NCEH1: variants seen among roughly 807,000 people sequenced by gnomAD.
The protein encoded by NCEH1 is neutral cholesterol ester hydrolase 1, also known as 2-acetyl MAGE hydrolase.
NCEH1 carries 9 observed loss-of-function variants against 25.4 expected under a neutral mutation model. The observed-to-expected ratio is 0.35, with a 90% confidence interval of 0.21 to 0.62. The LOEUF (loss-of-function observed/expected upper bound fraction) is 0.62. Among genes scored for constraint, NCEH1 ranks in the 20% least tolerant of loss-of-function variants. The pLI, the probability that NCEH1 is intolerant of heterozygous loss-of-function variation, is 0.72. For synonymous variants in NCEH1, 200 were observed against 199.8 expected, an observed-to-expected ratio of 1.00 and a Z score of -0.01; for missense variants, 412 against 501.1, an observed-to-expected ratio of 0.82 and a Z score of 1.70.
At chr3:172,659,700 C>T (rs1289292933) in intron 1 of NCEH1, among the ~76,000 whole-genome samples, 1 of 152,220 alleles carries the variant, frequency 6.6e-6, no homozygotes, top group East Asian at 1.9e-4. Context: ...CTTAAATTAA[C>T]ATATAGCTTC....
At chr3:172,637,888 CA>C (rs113338933) in intron 3 of NCEH1, among the ~76,000 whole-genome samples, 5 of 139,506 alleles carry the variant, frequency 3.6e-5, no homozygotes, top group African/African-American at 5.3e-5. Flanking sequence ...GACTCCATCT[CA>C]AAAAAAAAAT....
At chr3:172,696,332 C>T (rs942178762) in intron 1 of NCEH1, among the ~76,000 whole-genome samples, 4 of 151,650 alleles carry the variant, frequency 2.6e-5, no homozygotes, top group Admixed American at 2.0e-4. Context: ...AACCTGAGAG[C>T]AATAGCAGAT....
rs1716472977 is a variant in NCEH1 at position 172,633,714 on chromosome 3, C to T, written c.988G>A (p.Asp330Asn). The T allele has an allele frequency of 1.2e-6, 2 of 1,614,198 alleles. No homozygotes were observed. Among genetic ancestry groups the T allele is most frequent in the Non-Finnish European group, 1.7e-6 (2 of 1,180,032 alleles). ...LDARSAPLIADQAVLQLLPKT... is the reference protein window; with the variant it reads ...LDARSAPLIANQAVLQLLPKT... Reference sequence around the variant, plus strand: ...GGGAGGAGCTGCAGCACTGCCTGGTCTGCAATGAGTGGGGCGGAGCGGGCA... The same window carrying T: ...GGGAGGAGCTGCAGCACTGCCTGGTTTGCAATGAGTGGGGCGGAGCGGGCA... The change falls in exon 5 of 5, where the codon GAC becomes AAC. Residue 330 changes from aspartate to asparagine, a missense_variant. This residue lies in a region of NCEH1 where 210 missense variants were observed against 258.2 expected (regional missense o/e 0.81). Coordinates refer to ENST00000475381, the MANE Select transcript of NCEH1 (RefSeq NM_020792.6).
At chr3:172,689,753 C>T (rs569310609) in intron 1 of NCEH1, among the ~76,000 whole-genome samples, 295 of 151,346 alleles carry the variant, frequency 1.9e-3, no homozygotes, top group Non-Finnish European at 2.6e-3. Flanking sequence ...CTGTATTTCC[C>T]TTCTCAGGGT....
In NCEH1 at chr3:172,653,753, T is replaced by TTTTTTG. The variant is rs1553830350; in HGVS notation, c.139-5640_139-5639insCAAAAA. ...TTGTTCTGTTTTTTTTGTTTTTTTGTTTTTTTGTTTTTTTTTTTTTTTGAG... is the reference window on the plus strand; with the variant it reads ...TTGTTCTGTTTTTTTTGTTTTTTTGTTTTTTGTTTTTTGTTTTTTTTTTTTTTTGAG... On this transcript the variant is annotated intron_variant, in intron 1 of 4. Coordinates refer to ENST00000475381, the MANE Select transcript of NCEH1 (RefSeq NM_020792.6). Among the ~76,000 whole-genome samples, 435 of 85,954 alleles carry TTTTTTG rather than the reference T, an allele frequency of 5.1e-3. 10 individuals are homozygous for TTTTTTG. The highest frequency in any genetic ancestry group is 0.021 in the African/African-American group (415 of 19,606). The allele number at this position is 85,954 out of a possible 152,430, so 56.4% of individuals were successfully genotyped here.
In NCEH1 at chr3:172,633,853, C is replaced by T; in HGVS notation, c.849G>A (p.Arg283=). 6.2e-7 allele frequency: 1 copy of T among 1,614,148 alleles called. No homozygotes were observed. ...SLDVEEAAAV[R]ARLNWTSLLP... ...AGAGGGATGTCCAGTTTAGACGGGC[C>T]CTGACAGCAGCAGCCTCTTCCACAT... Residue 283 remains arginine, a synonymous_variant, in exon 5 of 5, where the codon AGG becomes AGA. Coordinates refer to ENST00000475381, the MANE Select transcript of NCEH1 (RefSeq NM_020792.6).
intron 1 of NCEH1, among the ~76,000 whole-genome samples, chr3:172,654,985 G>A (rs1717624274): frequency 6.6e-6 from 1 of 152,212 alleles, no homozygotes; most frequent in Non-Finnish European, 1.5e-5. Flanking sequence ...GGACCTTAAA[G>A]TAGAGGTATG....
intron 1 of NCEH1, among the ~76,000 whole-genome samples, chr3:172,684,958 C>T (rs1423775426): frequency 6.6e-6 from 1 of 151,112 alleles, no homozygotes; most frequent in Non-Finnish European, 1.5e-5. Context: ...CCAGCCTGGG[C>T]GACTCAGCAA....
At chr3:172,653,279 G>A (rs1404744920) in intron 1 of NCEH1, among the ~76,000 whole-genome samples, 1 of 152,126 alleles carries the variant, frequency 6.6e-6, no homozygotes, top group Non-Finnish European at 1.5e-5. Flanking sequence ...AGGTCTGATG[G>A]CTGAAGATCA....
At chr3:172,670,127 A>G (rs1193587719) in intron 1 of NCEH1, among the ~76,000 whole-genome samples, 1 of 152,220 alleles carries the variant, frequency 6.6e-6, no homozygotes, top group East Asian at 1.9e-4. Flanking sequence ...AACGGCAGAC[A>G]TGACCTAATG....
chr3:172,663,214 A>T (rs1718047682), intron 1 of NCEH1, among the ~76,000 whole-genome samples: 1 of 151,898 alleles, frequency 6.6e-6, no homozygotes, highest in Non-Finnish European at 1.5e-5. Flanking sequence ...TCATTTCCTT[A>T]TTTACCCAGT....
In NCEH1 at chr3:172,632,431, TAAAA is replaced by T. The variant is rs906336776; in HGVS notation, c.*1040_*1043del. On this transcript the variant is annotated 3_prime_UTR_variant, in exon 5 of 5. Transcript: ENST00000475381. ...CTATGTATATTAACATTAAATAACTTAAAAAAATAAACAATACATTATATTGTAG... is the reference window on the plus strand; with the variant it reads ...CTATGTATATTAACATTAAATAACTTAAATAAACAATACATTATATTGTAG... 3 of 152,426 alleles carry T rather than the reference TAAAA, an allele frequency of 2.0e-5. No homozygotes were observed. Among genetic ancestry groups the T allele is most frequent in the African/African-American group, 4.8e-5 (2 of 41,410 alleles). The allele number at this position is 152,426 out of a possible 1,614,324, so 9.4% of individuals were successfully genotyped here.
At position 172,633,519 on chromosome 3, in the gene NCEH1, G is replaced by A. The variant is rs773651192; in HGVS notation, c.1183C>T (p.Arg395Trp). 2.5e-6 allele frequency: 4 copies of A among 1,614,000 alleles called. No homozygotes were observed. Among genetic ancestry groups the A allele is most frequent in the South Asian group, 1.1e-5 (1 of 91,058 alleles). ...SWPTNFSVGIRTRNSYIKWLD... is the reference protein window; with the variant it reads ...SWPTNFSVGIWTRNSYIKWLD... ...CACTTGATGTAACTATTCCTAGTCC[G>A]GATTCCCACTGAGAAGTTGGTGGGC... The change falls in exon 5 of 5, where the codon CGG (arginine) becomes TGG (tryptophan). Residue 395 changes from arginine to tryptophan, a missense_variant. Physicochemically the swap from Arg to Trp is moderately radical, Grantham distance 101. Transcript: ENST00000475381.
rs971524824 is a variant in NCEH1 at position 172,636,198 on chromosome 3, T to C, written c.438-111A>G. 12 of 617,882 alleles carry C rather than the reference T, an allele frequency of 1.9e-5. No homozygotes were observed. In the Admixed American group the frequency reaches 2.7e-4, roughly 14 times the overall value. 38.3% of individuals were successfully genotyped at this position (617,882 alleles called of 1,614,324 possible). ...ATCTGGAAATAGATAAGAAATTAAT[T>C]CAATGGAATTATTGTATGAAAAAGA... On this transcript the variant is annotated intron_variant, in intron 3 of 4. Transcript: ENST00000475381.
intron 3 of NCEH1, among the ~76,000 whole-genome samples, chr3:172,639,056 C>T (rs234008): frequency 0.87 from 132,782 of 152,094 alleles, 58,015 homozygotes; most frequent in Admixed American, 0.92. Flanking sequence ...ATTCCAGCAC[C>T]TGGGGAGGCC....
intron 1 of NCEH1, among the ~76,000 whole-genome samples, chr3:172,705,959 C>T (rs1454657938): frequency 6.7e-6 from 1 of 148,744 alleles, no homozygotes; most frequent in Non-Finnish European, 1.5e-5. Context: ...GATCACGCCA[C>T]TGCACTCCAG....
At chr3:172,636,842 C>T (rs544097694) in intron 3 of NCEH1, among the ~76,000 whole-genome samples, 2 of 152,318 alleles carry the variant, frequency 1.3e-5, no homozygotes, top group East Asian at 3.9e-4. Context: ...ATGCCTCACC[C>T]ATAGTGTTAT....
chr3:172,635,754 G>A (rs950165793), intron 4 of NCEH1, among the ~76,000 whole-genome samples, 162 bp downstream of exon 4: 1 of 152,078 alleles, frequency 6.6e-6, no homozygotes, highest in Non-Finnish European at 1.5e-5. Context: ...ACTTCAACGA[G>A]ATCTCTGAGA....
intron 1 of NCEH1, among the ~76,000 whole-genome samples, chr3:172,710,132 G>A (rs2108236532): frequency 6.6e-6 from 1 of 152,304 alleles, no homozygotes; most frequent in East Asian, 1.9e-4. Flanking sequence ...TCAGGAAAAG[G>A]TTATCTGACA....
Sources: allele counts gnomAD v4.1 joint callset (sites outside exome capture counted in the v4.1 genomes callset), GRCh38; gene constraint gnomAD v4.1.1; regional missense constraint gnomAD v4.1.1; transcripts MANE v1.5; gene names NCBI Gene and HGNC (gene_info 2026-07-23, HGNC 2026-07-21).